TPRG1: variants seen among roughly 807,000 people sequenced by gnomAD.
TPRG1 encodes tumor protein p63 regulated 1, also known as tumor protein p63-regulated gene 1 protein.
A neutral mutation model predicts 29.3 loss-of-function variants in TPRG1; 29 were observed. The observed-to-expected ratio is 0.99, with a 90% CI of 0.74 to 1.35. The LOEUF is 1.35. Ranked by LOEUF, TPRG1 falls within the 40% of genes most tolerant of loss-of-function variation. TPRG1 has a pLI of 0.00. For missense variants in TPRG1, 327 were observed against 335.0 expected (o/e 0.98, Z 0.19); for synonymous variants, 130 against 116.8 (o/e 1.11, Z -0.73).
chr3:189,201,217 G>A (rs1560543625), intron 1 of TPRG1, among the ~76,000 whole-genome samples: 1 of 152,238 alleles, frequency 6.6e-6, no homozygotes. Flanking sequence ...GACTAAGGCA[G>A]TGAAGATTGG....
intron 1 of TPRG1, among the ~76,000 whole-genome samples, chr3:189,202,454 C>A (rs1460373443): frequency 6.6e-6 from 1 of 152,146 alleles, no homozygotes; most frequent in African/African-American, 2.4e-5. Flanking sequence ...CCCACTGTAA[C>A]AACATCAATA....
At chr3:189,262,627 G>C (rs1713322956) in intron 4 of TPRG1, among the ~76,000 whole-genome samples, 1 of 152,180 alleles carries the variant, frequency 6.6e-6, no homozygotes, top group South Asian at 2.1e-4. Context: ...CTTTGAAGGA[G>C]AGTTATATGG....
intron 4 of TPRG1, among the ~76,000 whole-genome samples, chr3:189,074,874 C>G (rs1373618098): frequency 6.6e-6 from 1 of 151,606 alleles, no homozygotes; most frequent in Non-Finnish European, 1.5e-5. Flanking sequence ...TGCAGTGGCG[C>G]GATCTCCGCT....
At chr3:189,118,124 A>G (rs1470710479) in intron 1 of TPRG1, among the ~76,000 whole-genome samples, 1 of 152,136 alleles carries the variant, frequency 6.6e-6, no homozygotes, top group Non-Finnish European at 1.5e-5. Context: ...AATGGCTTTG[A>G]CCAACATGCA....
chr3:189,002,603 CT>C (rs1712085931), intron 2 of TPRG1, among the ~76,000 whole-genome samples: 1 of 152,140 alleles, frequency 6.6e-6, no homozygotes, highest in African/African-American at 2.4e-5. Context: ...AAATGCCTCT[CT>C]GAAGTCCTTA....
At chr3:189,217,176 G>A (rs952445556) in intron 3 of TPRG1, among the ~76,000 whole-genome samples, 2 of 152,140 alleles carry the variant, frequency 1.3e-5, no homozygotes, top group Non-Finnish European at 2.9e-5. Flanking sequence ...CTATATTGAA[G>A]CTTAGCACTA....
chr3:189,021,117 A>G (rs1713280770), intron 3 of TPRG1, among the ~76,000 whole-genome samples: 2 of 145,028 alleles, frequency 1.4e-5, no homozygotes, highest in South Asian at 4.7e-4. Context: ...TTTTGAGCCT[A>G]TGTGTGTCTC....
chr3:189,171,403 T>A (rs1043462458), upstream of TPRG1, among the ~76,000 whole-genome samples: 3 of 152,262 alleles, frequency 2.0e-5, no homozygotes, highest in Non-Finnish European at 2.9e-5. Flanking sequence ...ACCTACTATC[T>A]GCTGGGTGTT....
intron 3 of TPRG1, among the ~76,000 whole-genome samples, chr3:189,140,794 C>A (rs1318120247): frequency 6.6e-6 from 1 of 152,110 alleles, no homozygotes; most frequent in Non-Finnish European, 1.5e-5. Context: ...CATTTGGTAC[C>A]TTTCATTTCT....
intron 4 of TPRG1, among the ~76,000 whole-genome samples, chr3:189,262,802 C>T (rs1333917207): frequency 3.9e-5 from 6 of 152,202 alleles, no homozygotes; most frequent in African/African-American, 1.4e-4. Flanking sequence ...GATGCTGTGG[C>T]ATCTCAGGGC....
At chr3:189,085,106 C>G (rs1488107785) in intron 4 of TPRG1, among the ~76,000 whole-genome samples, 3 of 152,142 alleles carry the variant, frequency 2.0e-5, no homozygotes, top group East Asian at 3.9e-4. Flanking sequence ...ATCCAAGTTA[C>G]ATGAATCATA....
intron 1 of TPRG1, among the ~76,000 whole-genome samples, chr3:188,999,314 G>T (rs187586374): frequency 6.6e-6 from 1 of 152,140 alleles, no homozygotes. Context: ...CTTCTGGTGC[G>T]AGTCAAAGGC....
intron 4 of TPRG1, among the ~76,000 whole-genome samples, chr3:189,088,230 G>C (rs913505206): frequency 5.9e-5 from 9 of 152,156 alleles, no homozygotes; most frequent in African/African-American, 2.2e-4. Context: ...TCCCTTGTAA[G>C]TTGGATTCCT....
chr3:189,117,046 G>A (rs1578409611), intron 1 of TPRG1, among the ~76,000 whole-genome samples: 1 of 152,144 alleles, frequency 6.6e-6, no homozygotes, highest in African/African-American at 2.4e-5. Flanking sequence ...CAGTTCGCCT[G>A]TCCTCCAAGA....
intron 3 of TPRG1, among the ~76,000 whole-genome samples, chr3:189,145,830 G>A (rs1725192454): frequency 1.3e-5 from 2 of 152,146 alleles, no homozygotes; most frequent in Non-Finnish European, 2.9e-5. Context: ...GCTAAGAAGT[G>A]ATTAACACAT....
chr3:189,041,996 T>G (rs1227016094), intron 4 of TPRG1, among the ~76,000 whole-genome samples: 3 of 152,174 alleles, frequency 2.0e-5, no homozygotes, highest in Non-Finnish European at 4.4e-5. Context: ...ACCTCCAGCC[T>G]TAGGATGCTT....
chr3:189,088,588 A>G (rs1718118899), intron 4 of TPRG1, among the ~76,000 whole-genome samples: 1 of 152,196 alleles, frequency 6.6e-6, no homozygotes, highest in Admixed American at 6.5e-5. Flanking sequence ...ACTTCCAAAA[A>G]TACTATTAAC....
chr3:189,240,416 TA>T (rs1193273589), intron 4 of TPRG1: 1 of 152,206 alleles, frequency 6.6e-6, no homozygotes. Context: ...AAAAGTTCTG[TA>T]TTAGTCCATT....
At chr3:189,312,103 T>TCTCTCTCTCTCTCTCTCTC (rs1560688768) in intron 5 of TPRG1, among the ~76,000 whole-genome samples, 10 of 69,414 alleles carry the variant, frequency 1.4e-4, no homozygotes, top group South Asian at 3.9e-4. Context: ...CTTTGTTTCT[T>TCTCTCTCTCTCTCTCTCTC]TGTTTCTTTC....
Sources: gnomAD v4.1 joint callset for allele counts (sites outside exome capture counted in the v4.1 genomes callset) on GRCh38, gnomAD v4.1.1 for gene constraint, MANE v1.5 for transcripts, NCBI Gene and HGNC (gene_info 2026-07-23, HGNC 2026-07-21) for gene names.